The following ZSWIM6 variants were observed in gnomAD, a reference collection of about 807,000 sequenced individuals.
ZSWIM6 encodes zinc finger SWIM domain-containing protein 6.
A neutral mutation model predicts 113.2 loss-of-function variants in ZSWIM6; 9 were observed. The ratio of observed to expected loss-of-function variants is 0.08; its 90% CI spans 0.05 to 0.14. The LOEUF (loss-of-function observed/expected upper bound fraction) is 0.14, where lower values mean the gene tolerates loss of function less well. ZSWIM6 is among the 10% of genes least tolerant of loss of function. ZSWIM6 has a pLI of 1.00. For synonymous variants in ZSWIM6, 611 were observed against 606.5 expected (o/e 1.01, Z -0.11); for missense variants, 1,162 against 1,552.2 (o/e 0.75, Z 4.22).
chr5:61,347,575 G>A (rs1744684615), intron 1 of ZSWIM6: 1 of 154,758 alleles, frequency 6.5e-6, no homozygotes, highest in African/African-American at 2.4e-5. Context: ...GGGGGCACAG[G>A]ACAGCTCTAG....
intron 8 of ZSWIM6, among the ~76,000 whole-genome samples, chr5:61,530,617 A>T (rs1008699649): frequency 1.3e-5 from 2 of 152,224 alleles, no homozygotes; most frequent in Non-Finnish European, 2.9e-5. Flanking sequence ...AGTCTACTTT[A>T]AGGGGGAGTA....
intron 1 of ZSWIM6, among the ~76,000 whole-genome samples, chr5:61,357,340 A>C (rs972811608): frequency 6.6e-6 from 1 of 152,204 alleles, no homozygotes; most frequent in Non-Finnish European, 1.5e-5. Context: ...AAGATAATAC[A>C]GTCACTAGGG....
chr5:61,333,011 G>GGGCCCCC, intron 1 of ZSWIM6, 63 bp downstream of exon 1: 1 of 1,003,866 alleles, frequency 1.0e-6, no homozygotes, highest in Non-Finnish European at 1.2e-6. Context: ...GGGGGGGGGT[G>GGGCCCCC]CCCGCCTTTC....
At chr5:61,531,325 C>A in intron 8 of ZSWIM6, 140 bp from the exon 9 acceptor site, 1 of 1,009,738 alleles carries the variant, frequency 9.9e-7, no homozygotes, top group Non-Finnish European at 1.4e-6. Flanking sequence ...TGCACTTTAG[C>A]CTAAAAAACA....
At position 61,374,847 on chromosome 5, in the gene ZSWIM6, G is replaced by T. The variant is rs1745337780; in HGVS notation, c.676+41899G>T. Among the ~76,000 whole-genome samples, 6 of 152,248 alleles carry T rather than the reference G, an allele frequency of 3.9e-5. No homozygotes were observed. The South Asian group carries it at 1.2e-3, about 32-fold the overall frequency. On this transcript the variant is annotated intron_variant, in intron 1 of 13. Transcript: ENST00000252744. ...TGGGATTACAGGCGTGAGCTACCGC[G>T]CCCGGCAGGGTTGTTTCTTAAAGGT...
chr5:61,461,278 C>T (rs1580007743), intron 1 of ZSWIM6, among the ~76,000 whole-genome samples: 1 of 152,204 alleles, frequency 6.6e-6, no homozygotes, highest in Non-Finnish European at 1.5e-5. Flanking sequence ...GCAACTACCA[C>T]CCCATATCTT....
chr5:61,382,027 A>G (rs1477859918), intron 1 of ZSWIM6, among the ~76,000 whole-genome samples: 1 of 152,230 alleles, frequency 6.6e-6, no homozygotes, highest in Non-Finnish European at 1.5e-5. Flanking sequence ...TGATACCGAT[A>G]CATGAGGAAA....
At chr5:61,519,540 T>C (rs1749056259) in intron 4 of ZSWIM6, among the ~76,000 whole-genome samples, 1 of 151,750 alleles carries the variant, frequency 6.6e-6, no homozygotes, top group Admixed American at 6.6e-5. Context: ...CCTCAGGTTA[T>C]TAGTTTTTGT....
At chr5:61,471,522 G>T (rs1747570788) in intron 1 of ZSWIM6, among the ~76,000 whole-genome samples, 1 of 152,194 alleles carries the variant, frequency 6.6e-6, no homozygotes, top group African/African-American at 2.4e-5. Flanking sequence ...CCAGGGCAGG[G>T]TGAGTGCCTC....
intron 9 of ZSWIM6, 42 bp from the exon 10 acceptor site, chr5:61,535,442 C>CCT (rs1334453538): frequency 6.5e-7 from 1 of 1,545,374 alleles, no homozygotes; most frequent in Non-Finnish European, 8.8e-7. Context: ...AGTGTTAGTT[C>CCT]ATTTTTTAGG....
At chr5:61,341,800 G>A (rs539006117) in intron 1 of ZSWIM6, among the ~76,000 whole-genome samples, 21 of 151,468 alleles carry the variant, frequency 1.4e-4, no homozygotes, top group African/African-American at 4.8e-4. Flanking sequence ...TAATCCTTCA[G>A]GATGTACCTA....
chr5:61,339,980 A>G (rs1021138235), intron 1 of ZSWIM6, among the ~76,000 whole-genome samples: 2 of 152,200 alleles, frequency 1.3e-5, no homozygotes, highest in Non-Finnish European at 1.5e-5. Flanking sequence ...TTGTCTTGTG[A>G]AGAGACGTTT....
At chr5:61,427,064 C>G (rs566492326) in intron 1 of ZSWIM6, among the ~76,000 whole-genome samples, 4 of 152,206 alleles carry the variant, frequency 2.6e-5, no homozygotes, top group Non-Finnish European at 4.4e-5. Context: ...ATATCTTGCT[C>G]TTTATCAAAA....
Position 61,332,818 on chromosome 5 carries a change from CGCCGCG to C in ZSWIM6, c.548_553del (p.Ala183_Ala184del). ...CCGCCGCCGCCGCCGCCGCCGCCGC[CGCCGCG>C]GGGGCCGGGGCCCCGTCGGTGGGGG... On this transcript the variant is annotated inframe_deletion, in exon 1 of 14. Transcript: ENST00000252744. 1 of 951,666 alleles carries C rather than the reference CGCCGCG, an allele frequency of 1.1e-6. No homozygotes were observed. Among genetic ancestry groups the C allele is most frequent in the Non-Finnish European group, 1.2e-6 (1 of 804,988 alleles). 59.0% of individuals were successfully genotyped at this position (951,666 alleles called of 1,614,324 possible).
chr5:61,517,790 T>A (rs1477826779), intron 4 of ZSWIM6, among the ~76,000 whole-genome samples: 1 of 150,622 alleles, frequency 6.6e-6, no homozygotes, highest in East Asian at 1.9e-4. Flanking sequence ...TATTTATTTA[T>A]TTATTTATTT....
intron 4 of ZSWIM6, among the ~76,000 whole-genome samples, chr5:61,507,382 GC>G (rs1043564056): frequency 6.6e-6 from 1 of 152,138 alleles, no homozygotes; most frequent in African/African-American, 2.4e-5. Flanking sequence ...GCAGTGAACA[GC>G]TGATGTATTC....
intron 2 of ZSWIM6, among the ~76,000 whole-genome samples, chr5:61,476,132 A>G (rs1747702912): frequency 6.6e-6 from 1 of 152,202 alleles, no homozygotes; most frequent in Non-Finnish European, 1.5e-5. Flanking sequence ...ATATGTTGAT[A>G]ACAGTAGGTT....
chr5:61,535,445 T>C (rs1289345102), intron 9 of ZSWIM6, 39 bp from the exon 10 acceptor site: 7 of 1,546,494 alleles, frequency 4.5e-6, no homozygotes, highest in Non-Finnish European at 6.1e-6. Context: ...GTTAGTTCAT[T>C]TTTTAGGAAC....
At chr5:61,334,072 C>T (rs1489193210) in intron 1 of ZSWIM6, among the ~76,000 whole-genome samples, 1 of 152,206 alleles carries the variant, frequency 6.6e-6, no homozygotes, top group Non-Finnish European at 1.5e-5. Flanking sequence ...ACAAAAGAGT[C>T]TCTTTCTTTT....
Sources: allele counts gnomAD v4.1 joint callset (sites outside exome capture counted in the v4.1 genomes callset), GRCh38; gene constraint gnomAD v4.1.1; transcripts MANE v1.5; gene names NCBI Gene and HGNC (gene_info 2026-07-23, HGNC 2026-07-21).